The following RASGRF1 variants were observed in gnomAD, a reference collection of about 807,000 sequenced individuals.
RASGRF1 encodes the protein ras-specific guanine nucleotide-releasing factor 1.
A neutral mutation model predicts 138.7 loss-of-function variants in RASGRF1; 40 were observed. That is an observed-to-expected ratio of 0.29 (90% CI 0.22 to 0.38). The LOEUF is 0.38. Among genes scored for constraint, RASGRF1 ranks in the 10% least tolerant of loss-of-function variants. The probability of loss-of-function intolerance (pLI) is 1.00; values close to 1 mark genes in which losing one functional copy is unlikely to be tolerated. For synonymous variants in RASGRF1, 614 were observed against 663.2 expected (o/e 0.93, Z 1.14); for missense variants, 1,108 against 1,650.4 (o/e 0.67, Z 5.69).
At chr15:78,995,904 C>T in intron 19 of RASGRF1, 104 bp from the exon 20 acceptor site, 1 of 1,072,034 alleles carries the variant, frequency 9.3e-7, no homozygotes. Context: ...CCCCTCTGTC[C>T]TCGTCATCCC....
intron 19 of RASGRF1, chr15:78,997,840 G>C (rs2056428677): frequency 2.0e-6 from 1 of 502,360 alleles, no homozygotes; most frequent in South Asian, 2.2e-5. Context: ...CACACATGGA[G>C]AAGTGTGCTG....
At position 78,973,490 on chromosome 15, in the gene RASGRF1, C is replaced by T. The variant is rs1462494187; in HGVS notation, c.3495-70G>A. 2 of 1,140,984 alleles carry T rather than the reference C, an allele frequency of 1.8e-6. No homozygotes were observed. Among genetic ancestry groups the T allele is most frequent in the Admixed American group, 1.9e-5 (1 of 51,550 alleles). 70.7% of individuals were successfully genotyped at this position (1,140,984 alleles called of 1,614,324 possible). ...GTAACGTCTACCAAGAACAGAACAT[C>T]CCGCATGCACCTTTTGCTTTGCTAG... On this transcript the variant is annotated intron_variant, in intron 24 of 26. Transcript: ENST00000558480. The surrounding 1 kb of genome is among the most constrained non-coding windows in gnomAD (Gnocchi z 4.9).
intron 26 of RASGRF1, among the ~76,000 whole-genome samples, chr15:78,969,464 T>A (rs1051591414): frequency 2.0e-5 from 3 of 151,910 alleles, no homozygotes; most frequent in Admixed American, 1.3e-4. Flanking sequence ...AGGTCAGGAG[T>A]TTGAGACCAG....
At chr15:79,076,292 T>TGGGGA (rs2057832583) in intron 1 of RASGRF1, among the ~76,000 whole-genome samples, 5 of 113,810 alleles carry the variant, frequency 4.4e-5, no homozygotes, top group East Asian at 2.9e-4. Context: ...GAGTGGTGGG[T>TGGGGA]GGGGAGGGGA....
chr15:79,064,557 C>G (rs377166541), intron 1 of RASGRF1, 31 bp from the exon 2 acceptor site: 27 of 1,598,734 alleles, frequency 1.7e-5, no homozygotes, highest in Non-Finnish European at 1.6e-5. Context: ...CTCCAATTAC[C>G]AGAGTGTCCA....
intron 26 of RASGRF1, among the ~76,000 whole-genome samples, chr15:78,970,082 A>T (rs2055720549): frequency 6.6e-6 from 1 of 152,214 alleles, no homozygotes; most frequent in Non-Finnish European, 1.5e-5. Flanking sequence ...CTCAAAAAAC[A>T]CATTGATCAC....
At chr15:79,021,592 C>T (rs2056961691) in intron 10 of RASGRF1, among the ~76,000 whole-genome samples, 2 of 152,232 alleles carry the variant, frequency 1.3e-5, no homozygotes, top group Admixed American at 1.3e-4. Context: ...GGACTTAAGG[C>T]ATTCTATTGC....
Position 78,998,824 on chromosome 15 carries a change from C to A in RASGRF1, c.2748G>T (p.Gly916=). 1 of 1,611,754 alleles carries A rather than the reference C, an allele frequency of 6.2e-7. No individual in the cohort carries two copies. The highest frequency in any genetic ancestry group is 8.5e-7 in the Non-Finnish European group (1 of 1,177,890). The part of the protein sequence containing the change: ...KYRRMSLASA[G]FPPDQRNGDK... ...CTCCATTCCTCTGGTCTGGGGGAAA[C>A]CCTGGCAGCATGCGTGGCAGAGGGG... The change falls in exon 18 of 27, where the codon GGG becomes GGT. Residue 916 remains glycine (G), a splice_region_variant and synonymous_variant. Transcript: ENST00000558480.
At chr15:79,042,634 T>A (rs2057311254) in intron 5 of RASGRF1, among the ~76,000 whole-genome samples, 1 of 152,210 alleles carries the variant, frequency 6.6e-6, no homozygotes, top group South Asian at 2.1e-4. Context: ...GGCCTTACCA[T>A]GAAACAGATC....
At chr15:79,089,005 G>A (rs773166328) in intron 1 of RASGRF1, among the ~76,000 whole-genome samples, 22 of 152,310 alleles carry the variant, frequency 1.4e-4, no homozygotes, top group Middle Eastern at 3.4e-3. Flanking sequence ...GACTGAGCTC[G>A]GATCTCTGTC....
chr15:78,970,913 C>T (rs1274686894), intron 26 of RASGRF1, among the ~76,000 whole-genome samples: 5 of 151,520 alleles, frequency 3.3e-5, no homozygotes, highest in Non-Finnish European at 7.4e-5. Context: ...ATATAACCTC[C>T]TTTCAGGGCT....
intron 2 of RASGRF1, among the ~76,000 whole-genome samples, chr15:79,061,413 A>AAT (rs57956576): frequency 1.1e-3 from 125 of 117,040 alleles, no homozygotes; most frequent in Admixed American, 2.8e-3. Flanking sequence ...CTATCTTTAA[A>AAT]ATATATATAT....
intron 8 of RASGRF1, among the ~76,000 whole-genome samples, chr15:79,028,429 G>T (rs2057091227): frequency 6.6e-6 from 1 of 152,230 alleles, no homozygotes; most frequent in Middle Eastern, 3.4e-3. Context: ...AATCCCGCTG[G>T]CTCAGGGGAT....
intron 3 of RASGRF1, among the ~76,000 whole-genome samples, chr15:79,057,199 G>A (rs1019655615): frequency 1.8e-4 from 27 of 150,962 alleles, no homozygotes; most frequent in Admixed American, 1.6e-3. Flanking sequence ...CCATGGTGTC[G>A]CAGGGCAAGG....
chr15:78,985,529 G>C (rs1264044613), intron 22 of RASGRF1: 2 of 217,784 alleles, frequency 9.2e-6, no homozygotes, highest in East Asian at 2.1e-4. Flanking sequence ...GGATATAAAA[G>C]GCTTGAATAA....
At chr15:79,085,535 A>G (rs1566974089) in intron 1 of RASGRF1, among the ~76,000 whole-genome samples, 1 of 152,164 alleles carries the variant, frequency 6.6e-6, no homozygotes, top group Non-Finnish European at 1.5e-5. Flanking sequence ...TTATTTTTCT[A>G]CATTCAGCTT....
rs558454357 is a variant in RASGRF1, at chr15:78,992,483, G to T, written c.3028-689C>A. 8.9e-4 allele frequency among the ~76,000 whole-genome samples: 136 copies of T among 152,354 alleles called. 1 individual carries two copies. Among genetic ancestry groups the T allele is most frequent in the African/African-American group, 3.1e-3 (130 of 41,578 alleles). ...GAGATGGATGAGTGGTGGACATAGG[G>T]AGGCCAGTGTATTGGGCACAAAGGC... On this transcript the variant is annotated intron_variant, in intron 20 of 26. Transcript: ENST00000558480.
chr15:78,998,590 C>T (rs1019216252), intron 18 of RASGRF1, 129 bp downstream of exon 18: 2 of 768,138 alleles, frequency 2.6e-6, no homozygotes, highest in African/African-American at 3.4e-5. Context: ...ATTTGAGCTC[C>T]CTCCCTTCTG....
At chr15:78,998,566 C>G (rs2056446274) in intron 18 of RASGRF1, among the ~76,000 whole-genome samples, 153 bp downstream of exon 18, 2 of 152,238 alleles carry the variant, frequency 1.3e-5, no homozygotes, top group African/African-American at 4.8e-5. Context: ...CCTCCGGGAA[C>G]ATCAGGGTGG....
Sources: gnomAD v4.1 joint callset for allele counts (sites outside exome capture counted in the v4.1 genomes callset) on GRCh38, gnomAD v4.1.1 for gene constraint, Gnocchi (gnomAD v3.1) non-coding constraint, MANE v1.5 for transcripts, NCBI Gene and HGNC (gene_info 2026-07-23, HGNC 2026-07-21) for gene names.